The following AMN1 variants were observed in gnomAD, a reference collection of about 807,000 sequenced individuals.
AMN1 encodes protein AMN1 homolog.
A neutral mutation model predicts 33.0 loss-of-function variants in AMN1; 20 were observed. The ratio of observed to expected loss-of-function variants is 0.61; its 90% CI spans 0.43 to 0.88. AMN1 has a LOEUF of 0.88. Among genes scored for constraint, AMN1 ranks in the 40% least tolerant of loss-of-function variants. AMN1 has a pLI of 0.00. For synonymous variants in AMN1, 114 were observed against 111.9 expected, an observed-to-expected ratio of 1.02 and a Z score of -0.12; for missense variants, 246 against 307.4, an observed-to-expected ratio of 0.80 and a Z score of 1.49.
intron 6 of AMN1, among the ~76,000 whole-genome samples, chr12:31,675,221 C>T (rs916221493): frequency 1.3e-5 from 2 of 151,622 alleles, no homozygotes; most frequent in African/African-American, 4.9e-5. Context: ...AGTTCAAGAC[C>T]AGCCTGGGAA....
At chr12:31,675,079 G>A (rs1329839699) in intron 6 of AMN1, among the ~76,000 whole-genome samples, 4 of 148,428 alleles carry the variant, frequency 2.7e-5, no homozygotes, top group African/African-American at 1.0e-4. Context: ...CAACCAACTA[G>A]GAATAGAAGA....
chr12:31,696,623 C>T (rs1938737028), intron 5 of AMN1, among the ~76,000 whole-genome samples: 1 of 152,022 alleles, frequency 6.6e-6, no homozygotes, highest in South Asian at 2.1e-4. Flanking sequence ...AAAGGATGAA[C>T]ACAAATTTAA....
intron 6 of AMN1, among the ~76,000 whole-genome samples, chr12:31,675,188 C>T (rs11051525): frequency 0.25 from 37,567 of 151,020 alleles, 5,560 homozygotes; most frequent in Non-Finnish European, 0.33. Context: ...GAGGCCAAGG[C>T]GGGAGGATCA....
At chr12:31,705,226 TG>T (rs1939175546) in intron 2 of AMN1, among the ~76,000 whole-genome samples, 1 of 152,198 alleles carries the variant, frequency 6.6e-6, no homozygotes, top group South Asian at 2.1e-4. Flanking sequence ...GGCTGGGCAC[TG>T]TGGCTCACAC....
chr12:31,685,028 A>G (rs7952896), intron 6 of AMN1, among the ~76,000 whole-genome samples: 141,240 of 147,728 alleles, frequency 0.96, 67,764 homozygotes, highest in East Asian at 0.99. Flanking sequence ...TTCCATAATT[A>G]TTATTTTTTT....
chr12:31,675,859 G>A (rs1937673162), intron 6 of AMN1, among the ~76,000 whole-genome samples: 1 of 151,538 alleles, frequency 6.6e-6, no homozygotes, highest in South Asian at 2.1e-4. Context: ...ATGTACCAGA[G>A]GTTCCAGCCA....
chr12:31,707,257 G>A (rs991754849), intron 2 of AMN1, among the ~76,000 whole-genome samples: 2 of 152,268 alleles, frequency 1.3e-5, no homozygotes, highest in East Asian at 3.9e-4. Flanking sequence ...TGTGGTTTGT[G>A]TACTACAGTC....
intron 1 of AMN1, among the ~76,000 whole-genome samples, chr12:31,713,282 T>G (rs1253846970): frequency 6.6e-6 from 1 of 152,166 alleles, no homozygotes; most frequent in South Asian, 2.1e-4. Flanking sequence ...ATAAATATGT[T>G]TAATGTATAT....
intron 5 of AMN1, among the ~76,000 whole-genome samples, chr12:31,691,051 T>C (rs1334886219): frequency 6.6e-6 from 1 of 150,486 alleles, no homozygotes; most frequent in Admixed American, 6.7e-5. Context: ...GGCAGGAGAA[T>C]CACTTGAACC....
intron 2 of AMN1, among the ~76,000 whole-genome samples, chr12:31,708,394 G>A (rs1039509932): frequency 1.3e-5 from 2 of 152,138 alleles, no homozygotes; most frequent in Non-Finnish European, 2.9e-5. Context: ...AGGCTTACTA[G>A]GATTGGGAAA....
intron 1 of AMN1, among the ~76,000 whole-genome samples, chr12:31,712,527 T>C (rs918841899): frequency 5.9e-5 from 9 of 152,226 alleles, no homozygotes; most frequent in Non-Finnish European, 1.3e-4. Flanking sequence ...AATACAGGCA[T>C]GAGCCACCGT....
intron 1 of AMN1, among the ~76,000 whole-genome samples, chr12:31,711,191 ATTTAAT>A (rs886271664): frequency 1.4e-4 from 21 of 152,098 alleles, no homozygotes; most frequent in African/African-American, 4.3e-4. Context: ...TTTATTTTAT[ATTTAAT>A]TTTAATTTTA....
At chr12:31,708,359 C>A (rs992512688) in intron 2 of AMN1, among the ~76,000 whole-genome samples, 2 of 152,128 alleles carry the variant, frequency 1.3e-5, no homozygotes, top group African/African-American at 4.8e-5. Flanking sequence ...GACTGAGATA[C>A]ACCCTGGTCT....
At chr12:31,723,638 T>C (rs1565783981) in intron 1 of AMN1, among the ~76,000 whole-genome samples, 2 of 152,180 alleles carry the variant, frequency 1.3e-5, no homozygotes, top group Admixed American at 1.3e-4. Flanking sequence ...AATGAGCCGA[T>C]AGTCAAGGTA....
Position 31,697,733 on chromosome 12 carries a change from C to A in AMN1, c.534+7G>T. 1.2e-6 allele frequency: 2 copies of A among 1,612,328 alleles called. No individual in the cohort carries two copies. Among genetic ancestry groups the A allele is most frequent in the Non-Finnish European group, 1.7e-6 (2 of 1,178,436 alleles). ...GTCTATATGTTTGTAGCCTATATGT[C>A]ATTTACCTGAGTAGCTGAAAAGTCG... On this transcript the variant is annotated splice_region_variant and intron_variant, in intron 4 of 6. Transcript: ENST00000281471.
chr12:31,727,924 G>A (rs187994783), intron 1 of AMN1, among the ~76,000 whole-genome samples: 24 of 152,196 alleles, frequency 1.6e-4, no homozygotes, highest in Non-Finnish European at 2.5e-4. Flanking sequence ...TACATGCCGC[G>A]GTTTTGCCGT....
At chr12:31,682,779 C>A (rs1283824105) in intron 6 of AMN1, among the ~76,000 whole-genome samples, 1 of 152,010 alleles carries the variant, frequency 6.6e-6, no homozygotes, top group African/African-American at 2.4e-5. Flanking sequence ...AACACAGGGC[C>A]CCAAAGGTCA....
intron 3 of AMN1, among the ~76,000 whole-genome samples, chr12:31,698,732 A>C (rs965659690): frequency 6.6e-6 from 1 of 151,312 alleles, no homozygotes; most frequent in African/African-American, 2.4e-5. Flanking sequence ...TCCATATCTT[A>C]AGAAAGAACT....
At chr12:31,699,566 C>T (rs74974307) in intron 3 of AMN1, among the ~76,000 whole-genome samples, 8,143 of 152,118 alleles carry the variant, frequency 0.054, 475 homozygotes, top group East Asian at 0.18. Context: ...GGGGCTCCTG[C>T]GCTTCCAGAC....
Sources: allele counts gnomAD v4.1 joint callset (sites outside exome capture counted in the v4.1 genomes callset), GRCh38; gene constraint gnomAD v4.1.1; transcripts MANE v1.5; gene names NCBI Gene and HGNC (gene_info 2026-07-23, HGNC 2026-07-21).